The following PTPRD variants were observed in gnomAD, a reference collection of about 807,000 sequenced individuals.
PTPRD encodes the protein protein tyrosine phosphatase receptor type D.
PTPRD carries 34 observed loss-of-function variants against 214.5 expected under a neutral mutation model. That is an observed-to-expected ratio of 0.16 (90% CI 0.12 to 0.21). The LOEUF (loss-of-function observed/expected upper bound fraction) is 0.21. Among genes scored for constraint, PTPRD ranks in the 10% least tolerant of loss-of-function variants. PTPRD has a pLI of 1.00. For missense variants in PTPRD, 2,545 were observed against 2,398.7 expected (o/e 1.06, Z -1.27); for synonymous variants, 1,128 against 845.7 (o/e 1.33, Z -5.79).
intron 2 of PTPRD, among the ~76,000 whole-genome samples, chr9:10,482,170 G>C (rs751145765): frequency 1.6e-4 from 24 of 152,080 alleles, no homozygotes; most frequent in Non-Finnish European, 2.9e-4. Flanking sequence ...AGGAGATTGA[G>C]ACCAGCCCGG....
intron 10 of PTPRD, among the ~76,000 whole-genome samples, chr9:9,130,239 G>C (rs2154473769): frequency 6.6e-6 from 1 of 152,116 alleles, no homozygotes; most frequent in African/African-American, 2.4e-5. Flanking sequence ...CCAAAATATA[G>C]GGAAACTAAT....
At chr9:9,315,120 C>T (rs1258711672) in intron 9 of PTPRD, among the ~76,000 whole-genome samples, 2 of 152,050 alleles carry the variant, frequency 1.3e-5, no homozygotes, top group East Asian at 1.9e-4. Context: ...CATTATTTTA[C>T]AGTGAACATA....
intron 10 of PTPRD, among the ~76,000 whole-genome samples, chr9:9,089,540 C>T (rs2099772464): frequency 6.6e-6 from 1 of 152,184 alleles, no homozygotes; most frequent in Non-Finnish European, 1.5e-5. Context: ...ACTCTACTAA[C>T]TCATAGTATG....
At chr9:10,005,837 T>G (rs899475874) in intron 4 of PTPRD, among the ~76,000 whole-genome samples, 14 of 152,110 alleles carry the variant, frequency 9.2e-5, no homozygotes, top group East Asian at 7.7e-4. Flanking sequence ...TATTTCATTA[T>G]AGTATTAGAT....
intron 3 of PTPRD, among the ~76,000 whole-genome samples, chr9:10,182,544 C>A (rs2099304220): frequency 6.6e-6 from 1 of 152,108 alleles, no homozygotes; most frequent in East Asian, 1.9e-4. Flanking sequence ...AAGTGTTTAA[C>A]ATCTATTTAC....
At chr9:9,563,895 T>C (rs926269884) in intron 8 of PTPRD, among the ~76,000 whole-genome samples, 22 of 152,182 alleles carry the variant, frequency 1.4e-4, no homozygotes, top group Non-Finnish European at 2.5e-4. Flanking sequence ...TCCATTGATA[T>C]CCTGGCTTTC....
chr9:9,084,963 C>G (rs1288810622), intron 10 of PTPRD, among the ~76,000 whole-genome samples: 1 of 152,110 alleles, frequency 6.6e-6, no homozygotes, highest in Non-Finnish European at 1.5e-5. Context: ...TTAGCACAGA[C>G]AGGGAAAGAT....
chr9:9,272,834 T>C (rs1481184774), intron 9 of PTPRD, among the ~76,000 whole-genome samples: 1 of 151,304 alleles, frequency 6.6e-6, no homozygotes, highest in Non-Finnish European at 1.5e-5. Flanking sequence ...TGCCAAGATA[T>C]TCTGTGGTGA....
intron 7 of PTPRD, among the ~76,000 whole-genome samples, chr9:9,629,267 A>T (rs887222488): frequency 2.2e-5 from 3 of 134,096 alleles, no homozygotes; most frequent in Non-Finnish European, 4.7e-5. Flanking sequence ...TGAACACTTT[A>T]TGTATGTATG....
intron 35 of PTPRD, among the ~76,000 whole-genome samples, chr9:8,415,358 A>G (rs1190204633): frequency 1.3e-5 from 2 of 152,208 alleles, no homozygotes; most frequent in Non-Finnish European, 1.5e-5. Context: ...CTGGCTGGAT[A>G]TGTATTCAAT....
chr9:8,838,566 AAG>A (rs1460615914), intron 11 of PTPRD, among the ~76,000 whole-genome samples: 1 of 152,020 alleles, frequency 6.6e-6, no homozygotes, highest in African/African-American at 2.4e-5. Flanking sequence ...TGAAAAATAA[AAG>A]AGAGAAAACA....
chr9:10,176,205 TA>T (rs1415583128), intron 3 of PTPRD, among the ~76,000 whole-genome samples: 1 of 152,018 alleles, frequency 6.6e-6, no homozygotes, highest in Non-Finnish European at 1.5e-5. Context: ...TCCAGTATTT[TA>T]TTTGAACATC....
chr9:8,934,504 TAA>T (rs200756892), intron 11 of PTPRD, among the ~76,000 whole-genome samples: 18,732 of 46,390 alleles, frequency 0.4, 4,683 homozygotes, highest in Non-Finnish European at 0.49. Flanking sequence ...AATATATATA[TAA>T]ATATATATAT....
intron 3 of PTPRD, among the ~76,000 whole-genome samples, chr9:10,223,320 T>G (rs2099577536): frequency 6.6e-6 from 1 of 151,938 alleles, no homozygotes; most frequent in Non-Finnish European, 1.5e-5. Context: ...GGCACTAAAC[T>G]AAGACTAGAT....
chr9:8,927,245 T>G (rs2098906189), intron 11 of PTPRD, among the ~76,000 whole-genome samples: 1 of 152,168 alleles, frequency 6.6e-6, no homozygotes, highest in African/African-American at 2.4e-5. Flanking sequence ...TATTATACTT[T>G]AAGTTCTGGG....
At chr9:9,306,711 T>C (rs1957270712) in intron 9 of PTPRD, among the ~76,000 whole-genome samples, 1 of 152,172 alleles carries the variant, frequency 6.6e-6, no homozygotes, top group African/African-American at 2.4e-5. Flanking sequence ...ATTGAATGCA[T>C]TCTTGGTCAT....
intron 6 of PTPRD, among the ~76,000 whole-genome samples, chr9:9,741,270 G>A (rs1340335868): frequency 6.6e-6 from 1 of 152,096 alleles, no homozygotes; most frequent in African/African-American, 2.4e-5. Flanking sequence ...TAGTACTTTA[G>A]TGATAGAAGA....
chr9:9,954,220 T>C (rs1288804202), intron 4 of PTPRD, among the ~76,000 whole-genome samples: 3 of 133,320 alleles, frequency 2.3e-5, no homozygotes, highest in Admixed American at 1.8e-4. Flanking sequence ...CGCTTGAACC[T>C]GGGAGGAGGC....
At chr9:9,470,526 T>C (rs1054951336) in intron 8 of PTPRD, among the ~76,000 whole-genome samples, 8 of 152,084 alleles carry the variant, frequency 5.3e-5, no homozygotes, top group African/African-American at 1.9e-4. Context: ...ACTGATAGAG[T>C]TGGAATAGAA....
Sources: gnomAD v4.1 joint callset for allele counts (sites outside exome capture counted in the v4.1 genomes callset) on GRCh38, gnomAD v4.1.1 for gene constraint, MANE v1.5 for transcripts, NCBI Gene and HGNC (gene_info 2026-07-23, HGNC 2026-07-21) for gene names.